TRAF6: variants seen among roughly 807,000 people sequenced by gnomAD.
TRAF6 encodes the protein TNF receptor associated factor 6.
In TRAF6, 10 loss-of-function variants were observed where a neutral mutation model predicts 48.4. The ratio of observed to expected loss-of-function variants is 0.21; its 90% CI spans 0.13 to 0.35. The LOEUF is 0.35. Among genes scored for constraint, TRAF6 ranks in the 10% least tolerant of loss-of-function variants. The pLI, the probability that TRAF6 is intolerant of heterozygous loss-of-function variation, is 1.00. For missense variants in TRAF6, 397 were observed against 661.0 expected, an observed-to-expected ratio of 0.60 and a Z score of 4.38; for synonymous variants, 186 against 219.6, an observed-to-expected ratio of 0.85 and a Z score of 1.35.
intron 2 of TRAF6, among the ~76,000 whole-genome samples, chr11:36,500,346 T>G (rs1449949436): frequency 1.3e-5 from 2 of 151,736 alleles, no homozygotes; most frequent in African/African-American, 4.8e-5. Context: ...GTGGCAAGAG[T>G]GTTACAAACA....
At position 36,488,624 on chromosome 11, in the gene TRAF6, C is replaced by CA. The variant is rs901714587; in HGVS notation, c.*1213dup. On this transcript the variant is annotated 3_prime_UTR_variant, in exon 7 of 7. Transcript: ENST00000526995. ...CCTTTAACAAATACATGATGGCACACAAAAAAATCATCTCCCTATTAGGAA... is the reference window on the plus strand; with the variant it reads ...CCTTTAACAAATACATGATGGCACACAAAAAAAATCATCTCCCTATTAGGAA... 1.1e-4 allele frequency: 16 copies of CA among 151,926 alleles called. No homozygotes were observed. Among genetic ancestry groups the CA allele is most frequent in the Admixed American group, 9.8e-4 (15 of 15,250 alleles). 9.4% of individuals were successfully genotyped at this position (151,926 alleles called of 1,614,324 possible). A position where few individuals can be genotyped will look rare whatever the true frequency, so the allele number is the denominator to read the frequency against.
In TRAF6 at chr11:36,484,297, T is replaced by C. The variant is rs1182794739; in HGVS notation, c.*5541A>G. ...CACTGATTTTCATTCTTTTCATGATTAGTGTTTCCCCACCCTTATCTTTGC... is the reference window on the plus strand; with the variant it reads ...CACTGATTTTCATTCTTTTCATGATCAGTGTTTCCCCACCCTTATCTTTGC... On this transcript the variant is annotated 3_prime_UTR_variant, in exon 7 of 7. Coordinates refer to ENST00000526995, the MANE Select transcript of TRAF6 (RefSeq NM_004620.4). 6.6e-6 allele frequency among the ~76,000 whole-genome samples: 1 copy of C among 152,214 alleles called. No individual in the cohort carries two copies. Among genetic ancestry groups the C allele is most frequent in the Non-Finnish European group, 1.5e-5 (1 of 68,046 alleles).
chr11:36,503,663 G>C (rs1008050377), intron 1 of TRAF6, among the ~76,000 whole-genome samples: 4 of 152,222 alleles, frequency 2.6e-5, no homozygotes, highest in African/African-American at 9.6e-5. Flanking sequence ...TGGACTCCTA[G>C]GGAAGGTTCA....
chr11:36,504,344 T>G (rs544137295), intron 1 of TRAF6, among the ~76,000 whole-genome samples: 6 of 152,004 alleles, frequency 3.9e-5, no homozygotes, highest in African/African-American at 1.4e-4. Flanking sequence ...ATATTCTAAA[T>G]CCTTTGTTGT....
chr11:36,490,493 C>T lies in TRAF6; in HGVS notation c.914G>A (p.Arg305His). ...GATTTGATGGTCTTGTCTTACAAGGCGACCCTCTAACTGGTGAATAGTTTC... is the reference window on the plus strand; with the variant it reads ...GATTTGATGGTCTTGTCTTACAAGGTGACCCTCTAACTGGTGAATAGTTTC... ...FQETIHQLEG[R>H]LVRQDHQIRE... The change falls in exon 7 of 7, where the codon CGC becomes CAC. Residue 305 changes from arginine (R) to histidine (H), a missense_variant. Around this residue, in one of 4 missense-constraint regions of TRAF6, gnomAD observed 245 missense variants for 349.1 expected, o/e 0.70. Transcript: ENST00000526995. This position sits in a 1 kb window ranked among gnomAD's most constrained non-coding sequence, Gnocchi z 6.4. The T allele has an allele frequency of 6.2e-7, 1 of 1,613,624 alleles. No individual in the cohort carries two copies.
At chr11:36,494,630 A>T (rs944182005) in intron 5 of TRAF6, among the ~76,000 whole-genome samples, 22 of 150,170 alleles carry the variant, frequency 1.5e-4, no homozygotes, top group African/African-American at 5.1e-4. Context: ...ACAGTGTGTA[A>T]ATATATATAT....
chr11:36,507,791 TTA>T (rs552779314), intron 1 of TRAF6, among the ~76,000 whole-genome samples: 320 of 142,698 alleles, frequency 2.2e-3, no homozygotes, highest in African/African-American at 8.1e-3. Context: ...TATGTATATA[TTA>T]TATATGTGTA....
chr11:36,487,133 GA>G lies in TRAF6; in HGVS notation c.*2704del, dbSNP rs35917540. On this transcript the variant is annotated 3_prime_UTR_variant, in exon 7 of 7. Transcript: ENST00000526995. ...AACAACCTTTAGTTGAACATCTCCA[GA>G]AAAAAGTGGAAACAATTTCTTTTTT... The G allele has an allele frequency of 7.2e-5, 11 of 152,182 alleles. No homozygotes were observed. The highest frequency in any genetic ancestry group is 2.6e-4 in the African/African-American group (11 of 41,540). 9.4% of individuals were successfully genotyped at this position (152,182 alleles called of 1,614,324 possible).
Position 36,484,384 on chromosome 11 carries a change from C to T in TRAF6, c.*5454G>A, listed in dbSNP as rs183369540. 2.6e-5 allele frequency among the ~76,000 whole-genome samples: 4 copies of T among 152,306 alleles called. No individual in the cohort carries two copies. The highest frequency in any genetic ancestry group is 9.6e-5 in the African/African-American group (4 of 41,556). ...CCAGATGGATTAGGATAACTGCTTA[C>T]AAATTCCATGGCAATAGTTAAGTTC... On this transcript the variant is annotated 3_prime_UTR_variant, in exon 7 of 7. Transcript: ENST00000526995.
rs1434067429 is a variant in TRAF6, at chr11:36,508,717, T to C, written c.-23+1331A>G. On this transcript the variant is annotated intron_variant, in intron 1 of 6. Coordinates refer to ENST00000526995, the MANE Select transcript of TRAF6 (RefSeq NM_004620.4). ...ACCAGCTTCTTAAATTTCTAAAGTGTGAAGACCTACAAATGTACTCCAATG... is the reference window on the plus strand; with the variant it reads ...ACCAGCTTCTTAAATTTCTAAAGTGCGAAGACCTACAAATGTACTCCAATG... Among the ~76,000 whole-genome samples, 9 of 152,220 alleles carry C rather than the reference T, an allele frequency of 5.9e-5. No individual in the cohort carries two copies. The East Asian group carries it at 1.7e-3, about 29-fold the overall frequency.
At chr11:36,500,779 T>G (rs749080691) in intron 2 of TRAF6, among the ~76,000 whole-genome samples, 1 of 152,154 alleles carries the variant, frequency 6.6e-6, no homozygotes, top group African/African-American at 2.4e-5. Flanking sequence ...ATTTTACAGT[T>G]GACCATACAC....
intron 1 of TRAF6, among the ~76,000 whole-genome samples, chr11:36,506,623 G>C (rs1341323012): frequency 2.6e-5 from 4 of 152,124 alleles, no homozygotes; most frequent in Non-Finnish European, 4.4e-5. Context: ...CAAAAGGCTT[G>C]AAGGTCTTTA....
chr11:36,494,806 C>T (rs1859607797), intron 5 of TRAF6, among the ~76,000 whole-genome samples, 170 bp downstream of exon 5: 1 of 151,168 alleles, frequency 6.6e-6, no homozygotes, highest in Non-Finnish European at 1.5e-5. Context: ...TTTTGTTCTC[C>T]CTGAAAGTAT....
At position 36,490,417 on chromosome 11, in the gene TRAF6, G is replaced by C. The variant is rs539301101; in HGVS notation, c.990C>G (p.Leu330=). The part of the protein sequence containing the change: ...METQSMYVSE[L]KRTIRTLEDK... ...CCTCAAGGGTTCGAATGGTTCGTTT[G>C]AGCTCACTTACATACATACTCTGAG... Residue 330 remains leucine (L), a synonymous_variant, in exon 7 of 7, where the codon CTC becomes CTG. Transcript: ENST00000526995. This position sits in a 1 kb window ranked among gnomAD's most constrained non-coding sequence, Gnocchi z 6.4. 6.2e-7 allele frequency: 1 copy of C among 1,614,054 alleles called. No homozygotes were observed. Among genetic ancestry groups the C allele is most frequent in the South Asian group, 1.1e-5 (1 of 91,074 alleles).
chr11:36,497,031 G>C, intron 4 of TRAF6, 77 bp downstream of exon 4: 1 of 1,465,382 alleles, frequency 6.8e-7, no homozygotes, highest in East Asian at 2.4e-5. Context: ...CTTATCTACT[G>C]CTAACCCCCT....
At chr11:36,494,621 C>T (rs1204251401) in intron 5 of TRAF6, among the ~76,000 whole-genome samples, 1 of 148,638 alleles carries the variant, frequency 6.7e-6, no homozygotes, top group Non-Finnish European at 1.5e-5. Flanking sequence ...CCTCATTTCA[C>T]AGTGTGTAAA....
At position 36,490,231 on chromosome 11, in the gene TRAF6, G is replaced by C. The variant is rs754966271; in HGVS notation, c.1176C>G (p.Arg392=). ...GAGCAGTCGGTAACTGAAGGTGCAA[G>C]CGCATGCACAGTTTGTACCCGGGTT... The part of the protein sequence containing the change: ...TGKPGYKLCM[R]LHLQLPTAQR... Residue 392 remains arginine, a synonymous_variant, in exon 7 of 7, where the codon CGC becomes CGG. Transcript: ENST00000526995. This position sits in a 1 kb window ranked among gnomAD's most constrained non-coding sequence, Gnocchi z 6.4. 2 of 1,614,226 alleles carry C rather than the reference G, an allele frequency of 1.2e-6. No homozygotes were observed. Among genetic ancestry groups the C allele is most frequent in the East Asian group, 2.2e-5 (1 of 44,884 alleles).
chr11:36,498,768 T>C (rs139592689), intron 2 of TRAF6, 128 bp from the exon 3 acceptor site: 6 of 999,566 alleles, frequency 6.0e-6, no homozygotes, highest in Non-Finnish European at 8.4e-6. Context: ...ACATATTATA[T>C]TGCAGGTCAC....
rs1310986873 is a variant in TRAF6, at chr11:36,491,912, A to G, written c.756+639T>C. Among the ~76,000 whole-genome samples, 3 of 152,254 alleles carry G rather than the reference A, an allele frequency of 2.0e-5. No homozygotes were observed. In the East Asian group the frequency reaches 5.8e-4, roughly 29 times the overall value. ...ATTATCTGTAATTCAATACATTAAA[A>G]CAGATTTTTTTTTTAAACTCTACCT... is the stretch of plus-strand genomic sequence containing the variant. On this transcript the variant is annotated intron_variant, in intron 6 of 6. Coordinates refer to ENST00000526995, the MANE Select transcript of TRAF6 (RefSeq NM_004620.4).
Sources: gnomAD v4.1 joint callset for allele counts (sites outside exome capture counted in the v4.1 genomes callset) on GRCh38, gnomAD v4.1.1 for gene constraint, gnomAD v4.1.1 regional missense constraint, Gnocchi (gnomAD v3.1) non-coding constraint, MANE v1.5 for transcripts, NCBI Gene and HGNC (gene_info 2026-07-23, HGNC 2026-07-21) for gene names.